Variants in PCDHGA6 observed in about 807,000 individuals in gnomAD.
PCDHGA6 encodes protocadherin gamma-A6.
PCDHGA6 carries 41 observed loss-of-function variants against 60.6 expected under a neutral mutation model. The ratio of observed to expected loss-of-function variants is 0.68; its 90% confidence interval spans 0.53 to 0.88. The LOEUF is 0.88. Among genes scored for constraint, PCDHGA6 ranks in the 40% least tolerant of loss-of-function variants. The probability of loss-of-function intolerance (pLI) is 0.00; values close to 1 mark genes in which losing one functional copy is unlikely to be tolerated. For missense variants in PCDHGA6, 1,312 were observed against 1,203.0 expected (o/e 1.09, Z -1.34); for synonymous variants, 594 against 524.4 (o/e 1.13, Z -1.81).
chr5:141,460,126 T>TC (rs2098982804), intron 1 of PCDHGA6, among the ~76,000 whole-genome samples: 1 of 151,986 alleles, frequency 6.6e-6, no homozygotes, highest in South Asian at 2.1e-4. Context: ...ATATATGTAA[T>TC]ATATATATTC....
intron 1 of PCDHGA6, chr5:141,403,362 G>C: frequency 6.2e-7 from 1 of 1,614,062 alleles, no homozygotes; most frequent in Non-Finnish European, 8.5e-7. Flanking sequence ...CAGGCCGAAA[G>C]TCTGGAAGTA....
chr5:141,423,506 T>C (rs1242003813), intron 1 of PCDHGA6: 1 of 1,613,808 alleles, frequency 6.2e-7, no homozygotes, highest in African/African-American at 1.3e-5. Context: ...GAGGTCTCTC[T>C]CATTGCGGAC....
intron 1 of PCDHGA6, chr5:141,422,638 T>G (rs1412270971): frequency 6.2e-7 from 1 of 1,612,392 alleles, no homozygotes. Context: ...CAGGGGTGCC[T>G]CCATCTTCTC....
rs202162316 is a variant in PCDHGA6, at chr5:141,490,194, T to C, written c.2425-4613T>C. ...TTGAGGAGTCACGTTTCTATGAAAT[T>C]CATGCAAGAGCCCGTGACCAGGGAC... is the stretch of plus-strand genomic sequence containing the variant. On this transcript the variant is annotated intron_variant, in intron 1 of 3. Transcript: ENST00000517434. The surrounding 1 kb of genome is among the most constrained non-coding windows in gnomAD (Gnocchi z 5.4). The C allele has an allele frequency of 8.1e-6, 13 of 1,614,186 alleles. No individual in the cohort carries two copies. The highest frequency in any genetic ancestry group is 1.1e-5 in the Non-Finnish European group (13 of 1,180,030).
chr5:141,408,060 T>G (rs2095034623), intron 1 of PCDHGA6: 1 of 1,324,738 alleles, frequency 7.5e-7, no homozygotes, highest in Admixed American at 2.9e-5. Flanking sequence ...GCCTCCCGGC[T>G]GCGCAGACCT....
At position 141,476,513 on chromosome 5, in the gene PCDHGA6, C is replaced by T; in HGVS notation, c.2425-18294C>T. 1 of 1,614,196 alleles carries T rather than the reference C, an allele frequency of 6.2e-7. No individual in the cohort carries two copies. Among genetic ancestry groups the T allele is most frequent in the Non-Finnish European group, 8.5e-7 (1 of 1,180,034 alleles). On this transcript the variant is annotated intron_variant, in intron 1 of 3. Coordinates refer to ENST00000517434, the MANE Select transcript of PCDHGA6 (RefSeq NM_018919.3). The surrounding 1 kb of genome is among the most constrained non-coding windows in gnomAD (Gnocchi z 7.6). ...GATCCAGGACATCAACGACAACAAT[C>T]CTGCTTTCCCTACCCAGGAAATGAA...
At chr5:141,392,818 C>A in intron 1 of PCDHGA6, 1 of 1,589,060 alleles carries the variant, frequency 6.3e-7, no homozygotes, top group Non-Finnish European at 8.6e-7. Flanking sequence ...ACAACAATGG[C>A]CGCTCCACAG....
In PCDHGA6 at chr5:141,376,525, T is replaced by C. The variant is rs1772783963; in HGVS notation, c.2424+18T>C. On this transcript the variant is annotated intron_variant, in intron 1 of 3. Transcript: ENST00000517434. ...AACTTCAGGTGAGTTTCTTTCCGCC[T>C]AAGCGGGAAGAGTAATCTGATCTTC... The C allele has an allele frequency of 6.2e-7, 1 of 1,613,730 alleles. No homozygotes were observed. Among genetic ancestry groups the C allele is most frequent in the Non-Finnish European group, 8.5e-7 (1 of 1,179,852 alleles).
chr5:141,487,798 G>A lies in PCDHGA6; in HGVS notation c.2425-7009G>A, dbSNP rs1197016007. 6.7e-7 allele frequency: 1 copy of A among 1,498,792 alleles called. No homozygotes were observed. Among genetic ancestry groups the A allele is most frequent in the South Asian group, 1.3e-5 (1 of 78,368 alleles). 92.8% of individuals were successfully genotyped at this position (1,498,792 alleles called of 1,614,324 possible). On this transcript the variant is annotated intron_variant, in intron 1 of 3. Coordinates refer to ENST00000517434, the MANE Select transcript of PCDHGA6 (RefSeq NM_018919.3). The surrounding 1 kb of genome is among the most constrained non-coding windows in gnomAD (Gnocchi z 5.0). ...ACTGTTTCGTGAATTAACCAGAGTT[G>A]TCACAGTTTAGCATTGGGGGCGGGT...
At chr5:141,418,316 A>G in intron 1 of PCDHGA6, 1 of 1,614,026 alleles carries the variant, frequency 6.2e-7, no homozygotes, top group Non-Finnish European at 8.5e-7. Context: ...GATGGGAACA[A>G]TTCTTGAGTC....
At chr5:141,433,765 A>G (rs1389737053) in intron 1 of PCDHGA6, among the ~76,000 whole-genome samples, 1 of 148,692 alleles carries the variant, frequency 6.7e-6, no homozygotes, top group Non-Finnish European at 1.5e-5. Flanking sequence ...TTAACCTGGG[A>G]GGTGGAGGTT....
intron 1 of PCDHGA6, chr5:141,400,262 G>A: frequency 6.2e-7 from 1 of 1,614,032 alleles, no homozygotes; most frequent in Non-Finnish European, 8.5e-7. Flanking sequence ...TTGCGCCTGC[G>A]ACGCTCCTCC....
At chr5:141,384,276 C>T (rs1333595693) in intron 1 of PCDHGA6, 1 of 1,613,888 alleles carries the variant, frequency 6.2e-7, no homozygotes, top group South Asian at 1.1e-5. Context: ...CCTACTCAGT[C>T]TACATCGCTG....
chr5:141,434,517 G>A (rs1476955199), intron 1 of PCDHGA6, among the ~76,000 whole-genome samples: 1 of 152,212 alleles, frequency 6.6e-6, no homozygotes, highest in East Asian at 1.9e-4. Context: ...GCTTAAAGGT[G>A]TTCTTAAACC....
Position 141,507,906 on chromosome 5 carries a change from G to A in PCDHGA6, c.2572+2425G>A, listed in dbSNP as rs2099864753. ...AGAGAGGTTCCTGAAGTCCAGCCCA[G>A]CCAGGCCTGTGGGGCTGCTGAGAGG... On this transcript the variant is annotated intron_variant, in intron 3 of 3. Coordinates refer to ENST00000517434, the MANE Select transcript of PCDHGA6 (RefSeq NM_018919.3). Among the ~76,000 whole-genome samples, 4 of 152,216 alleles carry A rather than the reference G, an allele frequency of 2.6e-5. No homozygotes were observed. The South Asian group carries it at 8.3e-4, about 32-fold the overall frequency.
In PCDHGA6 at chr5:141,438,621, TATATATATATATATACACAC is replaced by T. The variant is rs1185208192; in HGVS notation, c.2425-56184_2425-56165del. Among the ~76,000 whole-genome samples, 212 of 41,372 alleles carry T rather than the reference TATATATATATATATACACAC, an allele frequency of 5.1e-3. 1 individual carries two copies. The highest frequency in any genetic ancestry group is 0.03 in the African/African-American group (177 of 5,808). 27.1% of individuals were successfully genotyped at this position (41,372 alleles called of 152,430 possible). On this transcript the variant is annotated intron_variant, in intron 1 of 3. Transcript: ENST00000517434. ...ATATATATATATATATATATATATA[TATATATATATATATACACAC>T]ACACACACACATATATGTATATATA...
intron 1 of PCDHGA6, chr5:141,420,319 G>A (rs1393746531): frequency 7.0e-7 from 1 of 1,437,540 alleles, no homozygotes; most frequent in Non-Finnish European, 9.4e-7. Flanking sequence ...ATTACAATAT[G>A]CCAATATATT....
intron 1 of PCDHGA6, chr5:141,418,453 G>T (rs2096259626): frequency 1.2e-6 from 2 of 1,614,060 alleles, no homozygotes; most frequent in East Asian, 4.5e-5. Flanking sequence ...TATTGCAGAA[G>T]ACTCTGGACC....
chr5:141,460,454 T>A (rs1010186960), intron 1 of PCDHGA6, among the ~76,000 whole-genome samples: 6 of 152,194 alleles, frequency 3.9e-5, no homozygotes, highest in Admixed American at 3.3e-4. Flanking sequence ...TGAAGATTCA[T>A]ATTTTTTTCC....
Sources: gnomAD v4.1 joint callset for allele counts (sites outside exome capture counted in the v4.1 genomes callset) on GRCh38, gnomAD v4.1.1 for gene constraint, Gnocchi (gnomAD v3.1) non-coding constraint, MANE v1.5 for transcripts, NCBI Gene and HGNC (gene_info 2026-07-23, HGNC 2026-07-21) for gene names.